Variants in A4GALT observed in about 807,000 individuals in gnomAD.
The protein encoded by A4GALT is lactosylceramide 4-alpha-galactosyltransferase.
For missense variants in A4GALT, 512 were observed against 486.0 expected (o/e 1.05, Z -0.50); for synonymous variants, 257 against 220.7 (o/e 1.16, Z -1.46).
In A4GALT at chr22:42,698,197, G is replaced by A. The variant is rs925839562; in HGVS notation, c.-187-2566C>T. On this transcript the variant is annotated intron_variant, in intron 1 of 2. Transcript: ENST00000642412. ...CGGGAGGCAGAGGTTGCAGTGAGCT[G>A]AGATCGTGCCACTGCACTCTAGCCT... Among the ~76,000 whole-genome samples, 8 of 149,004 alleles carry A rather than the reference G, an allele frequency of 5.4e-5. No homozygotes were observed. The Admixed American group carries it at 5.4e-4, about 10-fold the overall frequency.
At chr22:42,699,896 C>G (rs767058120) in intron 1 of A4GALT, among the ~76,000 whole-genome samples, 1 of 152,182 alleles carries the variant, frequency 6.6e-6, no homozygotes, top group Non-Finnish European at 1.5e-5. Flanking sequence ...GGGCCCCCAA[C>G]CCTGAGTAGA....
intron 1 of A4GALT, among the ~76,000 whole-genome samples, chr22:42,714,738 C>T (rs1175364378): frequency 6.7e-6 from 1 of 149,570 alleles, no homozygotes; most frequent in Non-Finnish European, 1.5e-5. Context: ...CATTGCACTA[C>T]AGGCTGGAAA....
chr22:42,708,708 A>C (rs1359045822), intron 1 of A4GALT, among the ~76,000 whole-genome samples: 2 of 152,198 alleles, frequency 1.3e-5, no homozygotes, highest in Non-Finnish European at 2.9e-5. Context: ...TCAAGATAGG[A>C]GGGTGGGGAG....
chr22:42,708,305 G>C (rs1483647829), intron 1 of A4GALT, among the ~76,000 whole-genome samples: 2 of 151,858 alleles, frequency 1.3e-5, no homozygotes, highest in East Asian at 3.9e-4. Flanking sequence ...GAGAACCCAG[G>C]AGAAGGAGGT....
chr22:42,705,334 C>G (rs1176430931), intron 1 of A4GALT, among the ~76,000 whole-genome samples: 1 of 152,194 alleles, frequency 6.6e-6, no homozygotes, highest in Admixed American at 6.5e-5. Flanking sequence ...GGCGCAATGG[C>G]TCATGCCTGT....
At chr22:42,719,787 G>A (rs926165241) in intron 1 of A4GALT, among the ~76,000 whole-genome samples, 2 of 152,168 alleles carry the variant, frequency 1.3e-5, no homozygotes, top group Admixed American at 6.5e-5. Context: ...CCTGGCCTGA[G>A]ACCCACCAGG....
At chr22:42,702,383 C>T (rs1454918604) in intron 1 of A4GALT, among the ~76,000 whole-genome samples, 1 of 151,504 alleles carries the variant, frequency 6.6e-6, no homozygotes, top group African/African-American at 2.4e-5. Context: ...CTCTGTCGCC[C>T]AGGCTGGAGT....
chr22:42,713,076 A>G (rs1921837095), intron 1 of A4GALT, among the ~76,000 whole-genome samples: 1 of 152,118 alleles, frequency 6.6e-6, no homozygotes, highest in Non-Finnish European at 1.5e-5. Context: ...CTCAATTCTA[A>G]GCCTCAGTTT....
intron 1 of A4GALT, among the ~76,000 whole-genome samples, chr22:42,697,033 T>C (rs113077703): frequency 2.1e-4 from 31 of 150,808 alleles, no homozygotes; most frequent in African/African-American, 7.5e-4. Context: ...ACATCCTACT[T>C]ATTTGCTTTG....
chr22:42,705,428 CCT>C (rs539726850), intron 1 of A4GALT, among the ~76,000 whole-genome samples: 10 of 149,720 alleles, frequency 6.7e-5, no homozygotes, highest in African/African-American at 2.0e-4. Context: ...AGGGCGAAAC[CCT>C]CTCTCTACTG....
chr22:42,718,793 A>G (rs749494889), intron 1 of A4GALT, among the ~76,000 whole-genome samples: 39 of 152,158 alleles, frequency 2.6e-4, no homozygotes, highest in Non-Finnish European at 4.7e-4. Flanking sequence ...CGGTGAGCCA[A>G]TGAAAATGCA....
intron 1 of A4GALT, among the ~76,000 whole-genome samples, chr22:42,719,710 A>T (rs1222413711): frequency 1.3e-5 from 2 of 152,068 alleles, no homozygotes; most frequent in Admixed American, 6.6e-5. Context: ...TGGCTCCCTC[A>T]TTCTTTGGGA....
At chr22:42,704,018 A>AC (rs1920949693) in intron 1 of A4GALT, among the ~76,000 whole-genome samples, 2 of 151,614 alleles carry the variant, frequency 1.3e-5, no homozygotes, top group Admixed American at 6.6e-5. Flanking sequence ...TGGAACTCAG[A>AC]CCCCCCTTGA....
At chr22:42,713,173 C>T (rs1457914156) in intron 1 of A4GALT, among the ~76,000 whole-genome samples, 1 of 152,196 alleles carries the variant, frequency 6.6e-6, no homozygotes, top group African/African-American at 2.4e-5. Context: ...CCTGGCACCA[C>T]CTCTGTCCAT....
Position 42,702,967 on chromosome 22 carries a change from C to T in A4GALT, c.-187-7336G>A, listed in dbSNP as rs899282324. On this transcript the variant is annotated intron_variant, in intron 1 of 2. Coordinates refer to ENST00000642412, the MANE Select transcript of A4GALT (RefSeq NM_017436.7). ...CAGAAAAGTAAAGGGGCCACAGTGG[C>T]ACTCAGGCCGGGGTACATCACAGTG... 8.7e-5 allele frequency among the ~76,000 whole-genome samples: 10 copies of T among 115,114 alleles called. 1 individual carries two copies. Among genetic ancestry groups the T allele is most frequent in the Non-Finnish European group, 1.3e-4 (8 of 60,314 alleles). The allele number at this position is 115,114 out of a possible 152,430, so 75.5% of individuals were successfully genotyped here.
chr22:42,692,558 T>C lies in A4GALT; in HGVS notation c.*332A>G. On this transcript the variant is annotated 3_prime_UTR_variant, in exon 3 of 3. Transcript: ENST00000642412. The surrounding 1 kb of genome is among the most constrained non-coding windows in gnomAD (Gnocchi z 4.6). The stretch of plus-strand genomic sequence containing the variant: ...CCCTTAGCACCGGCCTCTGCCCTCG[T>C]GGGCACCTCTGTCCCAACTGCCTGG... 2.1e-6 allele frequency: 1 copy of C among 472,884 alleles called. No individual in the cohort carries two copies. The highest frequency in any genetic ancestry group is 4.1e-6 in the Non-Finnish European group (1 of 241,842). The allele number at this position is 472,884 out of a possible 1,614,324, so 29.3% of individuals were successfully genotyped here. A position where few individuals can be genotyped will look rare whatever the true frequency, so the allele number is the denominator to read the frequency against.
chr22:42,704,013 C>A (rs1417104658), intron 1 of A4GALT, among the ~76,000 whole-genome samples: 1 of 152,180 alleles, frequency 6.6e-6, no homozygotes, highest in East Asian at 1.9e-4. Context: ...GGTCTTGGAA[C>A]TCAGACCCCC....
At chr22:42,717,787 C>A (rs5751348) in intron 1 of A4GALT, among the ~76,000 whole-genome samples, 63,438 of 151,992 alleles carry the variant, frequency 0.42, 15,230 homozygotes, top group East Asian at 0.82. Flanking sequence ...CAAACACACC[C>A]ACAAATAAGA....
chr22:42,702,242 G>A (rs1335755395), intron 1 of A4GALT, among the ~76,000 whole-genome samples: 5 of 152,126 alleles, frequency 3.3e-5, no homozygotes, highest in Admixed American at 2.0e-4. Context: ...GGCCAGGGCC[G>A]GGCTCACAGG....
Sources: gnomAD v4.1 joint callset for allele counts (sites outside exome capture counted in the v4.1 genomes callset) on GRCh38, gnomAD v4.1.1 for gene constraint, Gnocchi (gnomAD v3.1) non-coding constraint, MANE v1.5 for transcripts, NCBI Gene and HGNC (gene_info 2026-07-23, HGNC 2026-07-21) for gene names.